Variants in KSR1 observed in about 807,000 individuals in gnomAD.
KSR1 encodes the protein kinase suppressor of ras 1, also known as kinase suppressor of ras.
A neutral mutation model predicts 92.9 loss-of-function variants in KSR1; 35 were observed. The observed-to-expected ratio is 0.38, with a 90% confidence interval of 0.29 to 0.50. The LOEUF (loss-of-function observed/expected upper bound fraction) is 0.50. Ranked by LOEUF, KSR1 falls within the 20% of genes least tolerant of loss-of-function variation. The pLI, the probability that KSR1 is intolerant of heterozygous loss-of-function variation, is 0.94. For missense variants in KSR1, 972 were observed against 1,158.5 expected (o/e 0.84, Z 2.34); for synonymous variants, 467 against 472.6 (o/e 0.99, Z 0.15).
chr17:27,610,476 A>C (rs1260345673), intron 17 of KSR1, among the ~76,000 whole-genome samples: 5 of 152,238 alleles, frequency 3.3e-5, no homozygotes, highest in Non-Finnish European at 5.9e-5. Flanking sequence ...TGCAGTGCTT[A>C]ACACTGGCTG....
At chr17:27,500,445 G>A (rs2069137318) in intron 1 of KSR1, among the ~76,000 whole-genome samples, 2 of 152,310 alleles carry the variant, frequency 1.3e-5, no homozygotes, top group South Asian at 4.1e-4. Flanking sequence ...AAGGCTCTAT[G>A]GAGGTGTGGT....
In KSR1 at chr17:27,623,776, C is replaced by T; in HGVS notation, c.*384C>T. Reference sequence around the variant, plus strand: ...TAGGCGGTGAGGGACCCATGCTGGGCCAGAAGGAAGACAAACATGGTAATT... The same window carrying T: ...TAGGCGGTGAGGGACCCATGCTGGGTCAGAAGGAAGACAAACATGGTAATT... On this transcript the variant is annotated 3_prime_UTR_variant, in exon 21 of 21. Transcript: ENST00000644974. The T allele has an allele frequency of 1.1e-5, 6 of 543,398 alleles. No homozygotes were observed. The highest frequency in any genetic ancestry group is 1.9e-5 in the Non-Finnish European group (6 of 314,650). 33.7% of individuals were successfully genotyped at this position (543,398 alleles called of 1,614,324 possible).
In KSR1 at chr17:27,555,018, C is replaced by A. The variant is rs143090455; in HGVS notation, c.372+4310C>A. On this transcript the variant is annotated intron_variant, in intron 2 of 20. Transcript: ENST00000644974. Reference sequence around the variant, plus strand: ...CTGGTATATTACAATGAACGCAACTCCAGACTATGTAGGTTTGACCAGTTT... The same window carrying A: ...CTGGTATATTACAATGAACGCAACTACAGACTATGTAGGTTTGACCAGTTT... 3.7e-3 allele frequency among the ~76,000 whole-genome samples: 556 copies of A among 152,292 alleles called. 8 individuals are homozygous for A. The highest frequency in any genetic ancestry group is 0.013 in the African/African-American group (525 of 41,560).
chr17:27,560,351 A>G, intron 2 of KSR1: 1 of 510,974 alleles, frequency 2.0e-6, no homozygotes, highest in Non-Finnish European at 3.9e-6. Flanking sequence ...TCTAGCTGGG[A>G]GAGGTGGGTG....
chr17:27,589,877 TA>T (rs1469831142), intron 6 of KSR1, among the ~76,000 whole-genome samples: 1 of 152,368 alleles, frequency 6.6e-6, no homozygotes, highest in East Asian at 1.9e-4. Context: ...ACCCCCTCTT[TA>T]AAGAGGTCTT....
At chr17:27,521,525 G>A (rs909672457) in intron 1 of KSR1, among the ~76,000 whole-genome samples, 4 of 151,838 alleles carry the variant, frequency 2.6e-5, no homozygotes, top group African/African-American at 9.7e-5. Context: ...CTGACTTCCC[G>A]GGCTCAGGCA....
At chr17:27,601,155 T>G (rs2073541649) in intron 10 of KSR1, 1 of 584,822 alleles carries the variant, frequency 1.7e-6, no homozygotes, top group Non-Finnish European at 3.0e-6. Context: ...CCTTTAGTCC[T>G]GCAGACTCCT....
intron 2 of KSR1, among the ~76,000 whole-genome samples, chr17:27,567,740 C>T (rs1287236965): frequency 6.6e-6 from 1 of 152,246 alleles, no homozygotes; most frequent in Admixed American, 6.5e-5. Context: ...GCAGGGAATG[C>T]GTGCTGGAAA....
intron 1 of KSR1, among the ~76,000 whole-genome samples, chr17:27,473,756 G>A (rs1597836751): frequency 6.6e-6 from 1 of 152,118 alleles, no homozygotes; most frequent in African/African-American, 2.4e-5. Context: ...ATGACTCACC[G>A]TGGCACAGGG....
At position 27,582,898 on chromosome 17, in the gene KSR1, GCC is replaced by G; in HGVS notation, c.774_775del (p.Arg259AlafsTer54). 6.2e-7 allele frequency: 1 copy of G among 1,612,690 alleles called. No individual in the cohort carries two copies. The highest frequency in any genetic ancestry group is 8.5e-7 in the Non-Finnish European group (1 of 1,179,420). Reference sequence around the variant, plus strand: ...ACCTGTATTCCCCTGCACGCCAGCGGCCGGCTGACCCCCCGTGCCCTGCACAG... The same window carrying G: ...ACCTGTATTCCCCTGCACGCCAGCGGGGCTGACCCCCCGTGCCCTGCACAG... On this transcript the variant is annotated frameshift_variant, in exon 4 of 21. Transcript: ENST00000644974. LOFTEE classifies it high-confidence loss of function.
chr17:27,529,268 A>G (rs1386771027), intron 1 of KSR1, among the ~76,000 whole-genome samples: 2 of 152,082 alleles, frequency 1.3e-5, no homozygotes, highest in Admixed American at 1.3e-4. Flanking sequence ...GATTAAGTAC[A>G]CTGTTAAAAG....
chr17:27,560,746 T>C (rs2151113111), intron 2 of KSR1, among the ~76,000 whole-genome samples: 1 of 152,262 alleles, frequency 6.6e-6, no homozygotes, highest in East Asian at 1.9e-4. Flanking sequence ...TGGCCCTCAT[T>C]CCTAGCCTCT....
chr17:27,574,251 C>T (rs1185751672), intron 2 of KSR1, among the ~76,000 whole-genome samples: 2 of 152,228 alleles, frequency 1.3e-5, no homozygotes, highest in Non-Finnish European at 2.9e-5. Flanking sequence ...CAGTGGAAGA[C>T]AGGCTAAGGG....
At chr17:27,464,851 A>G (rs369857178) in intron 1 of KSR1, among the ~76,000 whole-genome samples, 1 of 149,716 alleles carries the variant, frequency 6.7e-6, no homozygotes, top group African/African-American at 2.5e-5. Context: ...ACAGGTGTCC[A>G]GTCTTTTGGC....
At chr17:27,600,426 C>G (rs1263743303) in intron 10 of KSR1, among the ~76,000 whole-genome samples, 2 of 151,886 alleles carry the variant, frequency 1.3e-5, no homozygotes, top group African/African-American at 4.8e-5. Context: ...GACAACAGAG[C>G]AGGACTCTGT....
At chr17:27,480,902 G>A (rs943543182) in intron 1 of KSR1, among the ~76,000 whole-genome samples, 5 of 152,168 alleles carry the variant, frequency 3.3e-5, no homozygotes, top group African/African-American at 1.2e-4. Context: ...ATGCGTGTGT[G>A]TTTTCTTCTT....
intron 2 of KSR1, chr17:27,566,706 A>C (rs1598042670): frequency 5.0e-6 from 2 of 396,834 alleles, no homozygotes; most frequent in East Asian, 7.1e-5. Flanking sequence ...TTGGGGCAGA[A>C]GGTGCTTGTT....
chr17:27,489,318 G>A (rs192087801), intron 1 of KSR1, among the ~76,000 whole-genome samples: 1 of 152,330 alleles, frequency 6.6e-6, no homozygotes, highest in Non-Finnish European at 1.5e-5. Flanking sequence ...TCTTTTGATT[G>A]TGCAACATCC....
At position 27,499,947 on chromosome 17, in the gene KSR1, G is replaced by A. The variant is rs149247544; in HGVS notation, c.231+43073G>A. ...GTGCCTGTTATCTGAGGCTGGTCTGGGAGGACTGGCAGCGATTGTAGGGTG... is the reference window on the plus strand; with the variant it reads ...GTGCCTGTTATCTGAGGCTGGTCTGAGAGGACTGGCAGCGATTGTAGGGTG... On this transcript the variant is annotated intron_variant, in intron 1 of 20. Transcript: ENST00000644974. Among the ~76,000 whole-genome samples the A allele has an allele frequency of 7.3e-3, 1,111 of 152,324 alleles. 11 individuals are homozygous for A. Among genetic ancestry groups the A allele is most frequent in the African/African-American group, 0.026 (1,069 of 41,562 alleles).
Sources: gnomAD v4.1 joint callset for allele counts (sites outside exome capture counted in the v4.1 genomes callset) on GRCh38, gnomAD v4.1.1 for gene constraint, MANE v1.5 for transcripts, NCBI Gene and HGNC (gene_info 2026-07-23, HGNC 2026-07-21) for gene names.